The following RALGPS1 variants were observed in gnomAD, a reference collection of about 807,000 sequenced individuals.
The protein encoded by RALGPS1 is Ral GEF with PH domain and SH3 binding motif 1.
A neutral mutation model predicts 78.8 loss-of-function variants in RALGPS1; 19 were observed. The observed-to-expected ratio is 0.24, with a 90% CI of 0.17 to 0.35. RALGPS1 has a LOEUF of 0.35. RALGPS1 is among the 10% of genes least tolerant of loss of function. The pLI, the probability that RALGPS1 is intolerant of heterozygous loss-of-function variation, is 1.00. For missense variants in RALGPS1, 454 were observed against 688.3 expected (o/e 0.66, Z 3.81); for synonymous variants, 228 against 256.3 (o/e 0.89, Z 1.06).
In RALGPS1 at chr9:127,058,019, C is replaced by G. The variant is rs192359139; in HGVS notation, c.483+5080C>G. On this transcript the variant is annotated intron_variant, in intron 7 of 18. Transcript: ENST00000259351. ...GTGTCATGCTAAAGTACAGGCCTAACGTAGATTCAGGCCATGTACTTTCAG... is the reference window on the plus strand; with the variant it reads ...GTGTCATGCTAAAGTACAGGCCTAAGGTAGATTCAGGCCATGTACTTTCAG... 5.8e-4 allele frequency among the ~76,000 whole-genome samples: 88 copies of G among 152,280 alleles called. No individual in the cohort carries two copies. In the Middle Eastern group the frequency reaches 0.014, roughly 24 times the overall value.
intron 4 of RALGPS1, among the ~76,000 whole-genome samples, chr9:127,015,521 T>A (rs1216228096): frequency 6.6e-6 from 1 of 152,120 alleles, no homozygotes; most frequent in East Asian, 1.9e-4. Flanking sequence ...CCTCTCAAAG[T>A]GAGGAGGAGC....
rs746636103 is a variant in RALGPS1 at position 127,196,540 on chromosome 9, C to T, written c.1104C>T (p.His368=). The T allele has an allele frequency of 2.3e-5, 37 of 1,614,052 alleles. No individual in the cohort carries two copies. Among genetic ancestry groups the T allele is most frequent in the Admixed American group, 1.0e-4 (6 of 60,000 alleles). The change falls in exon 13 of 19, where the codon CAC becomes CAT. Residue 368 remains histidine, a synonymous_variant. Coordinates refer to ENST00000259351, the MANE Select transcript of RALGPS1 (RefSeq NM_014636.3). ...SATFPSEKAR[H]LLDDSVLESR... The stretch of plus-strand genomic sequence containing the variant: ...CATTCCCATCGGAGAAAGCAAGGCA[C>T]CTACTGGACGACAGTGTCCTAGAGT...
At chr9:126,989,799 A>G (rs2042118589) in intron 4 of RALGPS1, 3 of 1,494,112 alleles carry the variant, frequency 2.0e-6, no homozygotes, top group Non-Finnish European at 2.7e-6. Flanking sequence ...CTTACTCTAG[A>G]GGGATTCGAT....
chr9:127,022,623 T>C (rs1291731160), intron 4 of RALGPS1, among the ~76,000 whole-genome samples: 34 of 152,138 alleles, frequency 2.2e-4, no homozygotes, highest in Non-Finnish European at 4.4e-5. Flanking sequence ...CCAGGCTCCT[T>C]CTGCTCCAGC....
intron 11 of RALGPS1, 33 bp from the exon 12 acceptor site, chr9:127,195,058 C>A: frequency 6.2e-7 from 1 of 1,610,020 alleles, no homozygotes; most frequent in South Asian, 1.1e-5. Flanking sequence ...CCCATCATAA[C>A]CCCCGTTGTT....
chr9:126,945,740 G>A (rs1381297385), intron 1 of RALGPS1, among the ~76,000 whole-genome samples: 1 of 152,160 alleles, frequency 6.6e-6, no homozygotes, highest in African/African-American at 2.4e-5. Context: ...CTGTTCTCAG[G>A]TCTCATCCCA....
rs560221925 is a variant in RALGPS1, at chr9:126,943,463, C to G, written c.-65-18762C>G. 6.1e-4 allele frequency among the ~76,000 whole-genome samples: 92 copies of G among 152,050 alleles called. 1 individual carries two copies. The highest frequency in any genetic ancestry group is 1.0e-3 in the Non-Finnish European group (68 of 68,018). On this transcript the variant is annotated intron_variant, in intron 1 of 18. Coordinates refer to ENST00000259351, the MANE Select transcript of RALGPS1 (RefSeq NM_014636.3). ...TGGCCTTATGTTTTATTTATTTGGT[C>G]CTTTCAGCAGGACCTGGAGAGTGGA...
intron 1 of RALGPS1, among the ~76,000 whole-genome samples, chr9:126,915,982 A>G (rs2119402120): frequency 1.3e-5 from 2 of 152,236 alleles, no homozygotes. Flanking sequence ...GAAGCTTTTG[A>G]CTATGCTACC....
At chr9:126,923,969 T>C (rs1177362317) in intron 1 of RALGPS1, among the ~76,000 whole-genome samples, 1 of 152,250 alleles carries the variant, frequency 6.6e-6, no homozygotes, top group Non-Finnish European at 1.5e-5. Context: ...ACTTTGGCAA[T>C]GAGCATCACT....
At chr9:127,175,073 G>C (rs1289896270) in intron 11 of RALGPS1, among the ~76,000 whole-genome samples, 1 of 152,236 alleles carries the variant, frequency 6.6e-6, no homozygotes, top group African/African-American at 2.4e-5. Flanking sequence ...CACACACAAG[G>C]TAGAGAAAGC....
At chr9:127,143,965 A>G (rs2057944450) in intron 8 of RALGPS1, among the ~76,000 whole-genome samples, 1 of 152,232 alleles carries the variant, frequency 6.6e-6, no homozygotes, top group African/African-American at 2.4e-5. Context: ...CCACAAGCAC[A>G]GCAGAGGATG....
chr9:126,960,313 A>G (rs1005063394), intron 1 of RALGPS1, among the ~76,000 whole-genome samples: 11 of 149,254 alleles, frequency 7.4e-5, no homozygotes, highest in African/African-American at 2.7e-4. Context: ...GGCTCACTGC[A>G]ACCTCCGCCT....
At chr9:127,114,721 C>T (rs1244328293) in intron 8 of RALGPS1, among the ~76,000 whole-genome samples, 1 of 152,222 alleles carries the variant, frequency 6.6e-6, no homozygotes, top group East Asian at 1.9e-4. Context: ...CATCCCAGCA[C>T]TGCAGGAGGC....
intron 11 of RALGPS1, among the ~76,000 whole-genome samples, chr9:127,181,711 A>T (rs1469188580): frequency 6.6e-6 from 1 of 152,024 alleles, no homozygotes; most frequent in Non-Finnish European, 1.5e-5. Flanking sequence ...AGAGAGGAGG[A>T]GTGTTTGGCC....
chr9:126,929,068 T>C (rs371915979), intron 1 of RALGPS1, among the ~76,000 whole-genome samples: 5 of 152,316 alleles, frequency 3.3e-5, no homozygotes, highest in African/African-American at 1.2e-4. Flanking sequence ...AGAGTAATGG[T>C]TCAATAAATG....
rs777124895 is a variant in RALGPS1, at chr9:127,043,517, G to A, written c.301-6526G>A. 3.9e-5 allele frequency among the ~76,000 whole-genome samples: 6 copies of A among 152,144 alleles called. 1 individual carries two copies. In the South Asian group the frequency reaches 6.2e-4, roughly 16 times the overall value. On this transcript the variant is annotated intron_variant, in intron 5 of 18. Coordinates refer to ENST00000259351, the MANE Select transcript of RALGPS1 (RefSeq NM_014636.3). ...AACTATAAAACTTTTAGGAGAAAAC[G>A]TAGAAGAAAACCTGTATGACCTTGG...
chr9:127,111,426 C>G (rs779111660), intron 8 of RALGPS1, among the ~76,000 whole-genome samples: 1 of 152,090 alleles, frequency 6.6e-6, no homozygotes, highest in African/African-American at 2.4e-5. Flanking sequence ...CAGTGCCTAC[C>G]ACGTGGCCTG....
intron 14 of RALGPS1, among the ~76,000 whole-genome samples, chr9:127,210,341 A>G (rs573174412): frequency 2.6e-5 from 4 of 152,354 alleles, no homozygotes; most frequent in Non-Finnish European, 5.9e-5. Context: ...GCCGTGGACT[A>G]TCTGGGCTGT....
At chr9:127,107,803 C>G in intron 8 of RALGPS1, 1 of 1,158,686 alleles carries the variant, frequency 8.6e-7, no homozygotes, top group Middle Eastern at 3.0e-4. Context: ...TTGTGCATGT[C>G]TTTGGCCTGG....
Sources: gnomAD v4.1 joint callset for allele counts (sites outside exome capture counted in the v4.1 genomes callset) on GRCh38, gnomAD v4.1.1 for gene constraint, MANE v1.5 for transcripts, NCBI Gene and HGNC (gene_info 2026-07-23, HGNC 2026-07-21) for gene names.